Variants in KIF26B observed in about 807,000 individuals in gnomAD.
The protein encoded by KIF26B is kinesin-like protein KIF26B.
Under a neutral mutation model 151.2 loss-of-function variants are expected in KIF26B, and 63 were observed. The ratio of observed to expected loss-of-function variants is 0.42; its 90% CI spans 0.34 to 0.51. The LOEUF (loss-of-function observed/expected upper bound fraction) is 0.51. Ranked by LOEUF, KIF26B falls within the 20% of genes least tolerant of loss-of-function variation. The pLI, the probability that KIF26B is intolerant of heterozygous loss-of-function variation, is 0.07. For missense variants in KIF26B, 2,813 were observed against 2,913.6 expected (o/e 0.97, Z 0.79); for synonymous variants, 1,357 against 1,262.1 (o/e 1.08, Z -1.59).
chr1:245,556,317 T>C (rs1259606481), intron 5 of KIF26B, among the ~76,000 whole-genome samples: 86 of 95,868 alleles, frequency 9.0e-4, no homozygotes, highest in African/African-American at 3.0e-3. Context: ...CTCCTCCTTC[T>C]TCTTCTTCCT....
intron 4 of KIF26B, among the ~76,000 whole-genome samples, chr1:245,527,798 G>C (rs557190268): frequency 6.6e-6 from 1 of 152,080 alleles, no homozygotes; most frequent in South Asian, 2.1e-4. Context: ...CTCCGAAAGT[G>C]ATGGGATTAC....
At chr1:245,345,110 G>GTGAC (rs1672420611) in intron 2 of KIF26B, among the ~76,000 whole-genome samples, 1 of 152,178 alleles carries the variant, frequency 6.6e-6, no homozygotes, top group South Asian at 2.1e-4. Flanking sequence ...AGTCAACCTT[G>GTGAC]TGACCATTGA....
At chr1:245,246,449 A>C (rs1447127781) in intron 2 of KIF26B, among the ~76,000 whole-genome samples, 2 of 152,190 alleles carry the variant, frequency 1.3e-5, no homozygotes, top group East Asian at 3.9e-4. Context: ...ATATTGAGAC[A>C]CTGCCACACG....
In KIF26B at chr1:245,688,566, C is replaced by T. The variant is rs1251691357; in HGVS notation, c.5583C>T (p.His1861=). Residue 1861 remains histidine (H), a synonymous_variant, in exon 12 of 15, where the codon CAC becomes CAT. Coordinates refer to ENST00000407071, the MANE Select transcript of KIF26B (RefSeq NM_018012.4). The part of the protein sequence containing the change: ...YSKITPPRRP[H]RCSSGHGSDN... ...AGATCACGCCCCCGCGGAGGCCCCA[C>T]CGCTGCAGCAGCGGCCACGGCAGCG... The T allele has an allele frequency of 5.8e-6, 9 of 1,554,648 alleles. No homozygotes were observed. The highest frequency in any genetic ancestry group is 4.9e-5 in the East Asian group (2 of 41,102).
intron 10 of KIF26B, among the ~76,000 whole-genome samples, chr1:245,661,562 T>TTA (rs550631263): frequency 0.03 from 4,490 of 149,776 alleles, 172 homozygotes; most frequent in African/African-American, 0.091. Context: ...ACACCCAATG[T>TTA]TATATATATA....
chr1:245,500,061 C>T (rs1284762066), intron 4 of KIF26B, among the ~76,000 whole-genome samples: 1 of 152,194 alleles, frequency 6.6e-6, no homozygotes, highest in East Asian at 1.9e-4. Context: ...CCTGTGCTTG[C>T]TAAGAACGGT....
Position 245,400,476 on chromosome 1 carries a change from CATAG to C in KIF26B, c.1000-19098_1000-19095del, listed in dbSNP as rs1224513461. Among the ~76,000 whole-genome samples, 4 of 146,226 alleles carry C rather than the reference CATAG, an allele frequency of 2.7e-5. No homozygotes were observed. The East Asian group carries it at 8.1e-4, about 30-fold the overall frequency. ...ATGCCCACAGGGCATAAAACAATCACATAGATAGTGAGTTTTTTTTTTTTTTTTT... is the reference window on the plus strand; with the variant it reads ...ATGCCCACAGGGCATAAAACAATCACATAGTGAGTTTTTTTTTTTTTTTTT... On this transcript the variant is annotated intron_variant, in intron 3 of 14. Transcript: ENST00000407071.
At chr1:245,371,004 C>A (rs1041784313) in intron 3 of KIF26B, among the ~76,000 whole-genome samples, 14 of 152,142 alleles carry the variant, frequency 9.2e-5, no homozygotes, top group African/African-American at 3.4e-4. Context: ...GCTTTGGGGG[C>A]ATGCAGACAG....
At chr1:245,225,606 T>C (rs1669858582) in intron 2 of KIF26B, among the ~76,000 whole-genome samples, 1 of 152,194 alleles carries the variant, frequency 6.6e-6, no homozygotes, top group Non-Finnish European at 1.5e-5. Context: ...ATTTCTGGCT[T>C]TCCTTGCTAG....
intron 10 of KIF26B, among the ~76,000 whole-genome samples, chr1:245,652,751 G>A (rs1022204629): frequency 6.6e-6 from 1 of 152,118 alleles, no homozygotes; most frequent in South Asian, 2.1e-4. Context: ...ATTCTTAAGA[G>A]GACCACATTC....
At chr1:245,262,482 T>A (rs897041758) in intron 2 of KIF26B, among the ~76,000 whole-genome samples, 2 of 152,120 alleles carry the variant, frequency 1.3e-5, no homozygotes, top group Admixed American at 1.3e-4. Flanking sequence ...AGATGGAGTT[T>A]CGCTATTGTT....
At chr1:245,287,215 T>C (rs182370289) in intron 2 of KIF26B, among the ~76,000 whole-genome samples, 8 of 152,294 alleles carry the variant, frequency 5.3e-5, no homozygotes, top group African/African-American at 1.7e-4. Context: ...TCCATTGTGG[T>C]GATCAGTATA....
intron 4 of KIF26B, among the ~76,000 whole-genome samples, chr1:245,502,861 C>CTT (rs761926443): frequency 5.7e-5 from 8 of 139,180 alleles, no homozygotes; most frequent in Admixed American, 1.5e-4. Context: ...TTATGGTGAA[C>CTT]TTTTTTTTTT....
rs2043942914 is a variant in KIF26B at position 245,646,117 on chromosome 1, G to A, written c.2099-4G>A. The A allele has an allele frequency of 1.2e-6, 2 of 1,613,544 alleles. No homozygotes were observed. The highest frequency in any genetic ancestry group is 1.7e-6 in the Non-Finnish European group (2 of 1,179,732). ...TTTCTCTTTTATCTTCTCCCCTGTGGTAGTGTCTGGAGGTCGCAGCCGCCT... is the reference window on the plus strand; with the variant it reads ...TTTCTCTTTTATCTTCTCCCCTGTGATAGTGTCTGGAGGTCGCAGCCGCCT... On this transcript the variant is annotated splice_polypyrimidine_tract_variant and splice_region_variant and intron_variant, in intron 9 of 14. Coordinates refer to ENST00000407071, the MANE Select transcript of KIF26B (RefSeq NM_018012.4).
intron 2 of KIF26B, among the ~76,000 whole-genome samples, chr1:245,174,888 T>C (rs1668777095): frequency 6.6e-6 from 1 of 152,236 alleles, no homozygotes; most frequent in Non-Finnish European, 1.5e-5. Flanking sequence ...AGGTGTCTCA[T>C]GCTTCCTCGG....
At chr1:245,200,289 C>T (rs1201129125) in intron 2 of KIF26B, among the ~76,000 whole-genome samples, 2 of 152,158 alleles carry the variant, frequency 1.3e-5, no homozygotes, top group South Asian at 2.1e-4. Flanking sequence ...ATGAACTGCT[C>T]TTTATTTCCC....
At chr1:245,548,476 G>A (rs1661801687) in intron 5 of KIF26B, among the ~76,000 whole-genome samples, 5 of 152,084 alleles carry the variant, frequency 3.3e-5, no homozygotes, top group African/African-American at 9.7e-5. Context: ...TTTACATCAG[G>A]AAGAAGGTGA....
At chr1:245,520,588 CCATCCATCCATCCACCCACCCACCCAT>C in intron 4 of KIF26B, among the ~76,000 whole-genome samples, 1 of 69,230 alleles carries the variant, frequency 1.4e-5, no homozygotes, top group East Asian at 4.5e-4. Context: ...ATCCATCCAT[CCATCCATCCATCCACCCACCCACCCAT>C]CCATCCATCC....
chr1:245,416,565 A>C (rs1241207547), intron 3 of KIF26B, among the ~76,000 whole-genome samples: 1 of 152,028 alleles, frequency 6.6e-6, no homozygotes, highest in Non-Finnish European at 1.5e-5. Context: ...CATGATATGA[A>C]CCGAAGTGGA....
Sources: allele counts gnomAD v4.1 joint callset (sites outside exome capture counted in the v4.1 genomes callset), GRCh38; gene constraint gnomAD v4.1.1; transcripts MANE v1.5; gene names NCBI Gene and HGNC (gene_info 2026-07-23, HGNC 2026-07-21).